The following TRAF2 variants were observed in gnomAD, a reference collection of about 807,000 sequenced individuals.
The protein encoded by TRAF2 is TNF receptor-associated factor 2.
A neutral mutation model predicts 55.6 loss-of-function variants in TRAF2; 6 were observed. That is an observed-to-expected ratio of 0.11 (90% CI 0.06 to 0.21). The LOEUF is 0.21. Among genes scored for constraint, TRAF2 ranks in the 10% least tolerant of loss-of-function variants. The pLI, the probability that TRAF2 is intolerant of heterozygous loss-of-function variation, is 1.00. For missense variants in TRAF2, 561 were observed against 684.5 expected (o/e 0.82, Z 2.01); for synonymous variants, 329 against 276.3 (o/e 1.19, Z -1.89).
intron 1 of TRAF2, among the ~76,000 whole-genome samples, chr9:136,895,863 A>G (rs2131284195): frequency 6.6e-6 from 1 of 151,948 alleles, no homozygotes; most frequent in Admixed American, 6.5e-5. Flanking sequence ...AAAAAAAAAA[A>G]AAAAAAAGGA....
At chr9:136,899,050 A>T in intron 2 of TRAF2, 122 bp downstream of exon 2, 1 of 949,776 alleles carries the variant, frequency 1.1e-6, no homozygotes, top group Non-Finnish European at 1.5e-6. Flanking sequence ...CCAGTTATCG[A>T]TACTCCCTGG....
intron 9 of TRAF2, 83 bp from the exon 10 acceptor site, chr9:136,923,769 T>TG: frequency 6.7e-7 from 1 of 1,484,014 alleles, no homozygotes; most frequent in Non-Finnish European, 9.2e-7. Flanking sequence ...TTTTTGTCCC[T>TG]GGGGGAGGGC....
At chr9:136,900,902 A>G (rs1849805658) in intron 4 of TRAF2, among the ~76,000 whole-genome samples, 1 of 152,228 alleles carries the variant, frequency 6.6e-6, no homozygotes, top group Non-Finnish European at 1.5e-5. Flanking sequence ...CCTGGGAATG[A>G]AGGGGAGATC....
intron 4 of TRAF2, among the ~76,000 whole-genome samples, chr9:136,906,327 G>A (rs1849951235): frequency 6.6e-6 from 1 of 152,252 alleles, no homozygotes; most frequent in East Asian, 1.9e-4. Context: ...TAAAGAAAAA[G>A]AGGTTGAATG....
At chr9:136,909,071 AAG>A (rs1454396170) in intron 5 of TRAF2, among the ~76,000 whole-genome samples, 2 of 151,978 alleles carry the variant, frequency 1.3e-5, no homozygotes, top group African/African-American at 2.4e-5. Context: ...TTTTTAAAAA[AAG>A]TTTGTTTTTA....
At chr9:136,919,042 A>ATTTATTTATT (rs1554781870) in intron 7 of TRAF2, among the ~76,000 whole-genome samples, 1 of 138,326 alleles carries the variant, frequency 7.2e-6, no homozygotes, top group African/African-American at 2.7e-5. Context: ...GCCTATTTTA[A>ATTTATTTATT]TATTTATTTA....
chr9:136,900,070 A>C, intron 3 of TRAF2, among the ~76,000 whole-genome samples: 1 of 151,724 alleles, frequency 6.6e-6, no homozygotes, highest in East Asian at 1.9e-4. Context: ...GGGAGGCTGA[A>C]GTGGGAGGAT....
At chr9:136,925,009 T>C (rs1205841361) in intron 10 of TRAF2, among the ~76,000 whole-genome samples, 1 of 152,236 alleles carries the variant, frequency 6.6e-6, no homozygotes, top group East Asian at 1.9e-4. Context: ...AGTGCTGGGA[T>C]TGTAGGCGTG....
chr9:136,912,036 G>A (rs1850122890), intron 6 of TRAF2, among the ~76,000 whole-genome samples: 1 of 150,770 alleles, frequency 6.6e-6, no homozygotes, highest in African/African-American at 2.4e-5. Context: ...TGTATTTTTA[G>A]TACAGATGGG....
chr9:136,885,137 GC>G (rs1849421775), upstream of TRAF2, among the ~76,000 whole-genome samples: 1 of 152,214 alleles, frequency 6.6e-6, no homozygotes, highest in Non-Finnish European at 1.5e-5. Flanking sequence ...AATTCCAACT[GC>G]AAACCAAGTA....
intron 6 of TRAF2, 129 bp from the exon 7 acceptor site, chr9:136,916,412 T>TAAAAA: frequency 1.2e-6 from 1 of 851,406 alleles, no homozygotes; most frequent in Non-Finnish European, 2.0e-6. Context: ...TGGGTTTCAT[T>TAAAAA]CAGTGTGAGA....
At position 136,899,582 on chromosome 9, in the gene TRAF2, T is replaced by C; in HGVS notation, c.189-12T>C. 1 of 1,601,512 alleles carries C rather than the reference T, an allele frequency of 6.2e-7. No individual in the cohort carries two copies. Among genetic ancestry groups the C allele is most frequent in the Non-Finnish European group, 8.5e-7 (1 of 1,172,570 alleles). ...TCACAGTGGGTTGTTTTTTGCCTTT[T>C]TTCCCCACTAGCTCTGGGCCTCAGA... On this transcript the variant is annotated splice_polypyrimidine_tract_variant and intron_variant, in intron 2 of 10. Transcript: ENST00000247668.
Position 136,920,346 on chromosome 9 carries a change from C to T in TRAF2, c.791C>T (p.Ala264Val), listed in dbSNP as rs201857326. The change falls in exon 8 of 11, where the codon GCG (alanine) becomes GTG (valine). Residue 264 changes from alanine (A) to valine (V), a missense_variant. Around this residue, in one of 2 missense-constraint regions of TRAF2, gnomAD observed 426 missense variants for 476.8 expected, o/e 0.89. Transcript: ENST00000247668. ...CCCCTCTTGGGAGACCAGAGCCACG[C>T]GGGGTCAGAGCTCCTGCAGAGGTGC... ...AKPLLGDQSH[A>V]GSELLQRCES... The T allele has an allele frequency of 4.0e-5, 64 of 1,614,074 alleles. No individual in the cohort carries two copies. The highest frequency in any genetic ancestry group is 3.7e-4 in the Admixed American group (22 of 60,024).
At chr9:136,882,039 C>T (rs1292099876), upstream of TRAF2, 6 of 985,456 alleles carry the variant, frequency 6.1e-6, no homozygotes, top group East Asian at 4.5e-4. Context: ...TTGAGGTGGG[C>T]ACTTCCCCTG....
At chr9:136,896,019 G>A (rs2784088) in intron 1 of TRAF2, among the ~76,000 whole-genome samples, 120,758 of 152,036 alleles carry the variant, frequency 0.79, 48,153 homozygotes, top group East Asian at 0.87. Context: ...GATCTCAGCC[G>A]ACACCATGCC....
upstream of TRAF2, among the ~76,000 whole-genome samples, chr9:136,883,576 G>A (rs867950568): frequency 5.3e-5 from 8 of 152,172 alleles, no homozygotes; most frequent in Admixed American, 6.5e-5. Context: ...GAATGCAGTG[G>A]CGTAATCTCG....
Position 136,898,156 on chromosome 9 carries a change from C to T in TRAF2, c.-28-557C>T, listed in dbSNP as rs548149968. Among the ~76,000 whole-genome samples, 12 of 152,308 alleles carry T rather than the reference C, an allele frequency of 7.9e-5. No individual in the cohort carries two copies. In the South Asian group the frequency reaches 1.4e-3, roughly 18 times the overall value. On this transcript the variant is annotated intron_variant, in intron 1 of 10. Coordinates refer to ENST00000247668, the MANE Select transcript of TRAF2 (RefSeq NM_021138.4). Reference sequence around the variant, plus strand: ...CTAAAGGGAGTGCACTAGCCAGCCCCAGGTGTGCTACATTCCCGCTCTAGG... The same window carrying T: ...CTAAAGGGAGTGCACTAGCCAGCCCTAGGTGTGCTACATTCCCGCTCTAGG...
chr9:136,900,303 A>C, intron 3 of TRAF2, 119 bp from the exon 4 acceptor site: 1 of 609,660 alleles, frequency 1.6e-6, no homozygotes, highest in East Asian at 2.9e-5. Flanking sequence ...CTGCTCCTGG[A>C]GTGGCCTGGA....
At chr9:136,911,151 A>G (rs1850094527) in intron 6 of TRAF2, among the ~76,000 whole-genome samples, 1 of 152,156 alleles carries the variant, frequency 6.6e-6, no homozygotes, top group Non-Finnish European at 1.5e-5. Flanking sequence ...TTCCAGAGTG[A>G]AAGACGAAGA....
Sources: gnomAD v4.1 joint callset for allele counts (sites outside exome capture counted in the v4.1 genomes callset) on GRCh38, gnomAD v4.1.1 for gene constraint, gnomAD v4.1.1 regional missense constraint, MANE v1.5 for transcripts, NCBI Gene and HGNC (gene_info 2026-07-23, HGNC 2026-07-21) for gene names.